SDHA: variants seen among roughly 807,000 people sequenced by gnomAD.
SDHA encodes succinate dehydrogenase complex flavoprotein subunit A.
SDHA carries 48 observed loss-of-function variants against 78.4 expected under a neutral mutation model. The observed-to-expected ratio is 0.61, with a 90% CI of 0.49 to 0.78. The LOEUF (loss-of-function observed/expected upper bound fraction) is 0.78. Ranked by LOEUF, SDHA falls within the 30% of genes least tolerant of loss-of-function variation. SDHA has a pLI of 0.00. For missense variants in SDHA, 680 were observed against 892.7 expected (o/e 0.76, Z 3.04); for synonymous variants, 326 against 353.9 (o/e 0.92, Z 0.88).
chr5:250,309 A>T (rs566406471), intron 11 of SDHA: 1 of 156,152 alleles, frequency 6.4e-6, no homozygotes, highest in South Asian at 1.9e-4. Flanking sequence ...AGGAGGAGGG[A>T]TCACTGAGGT....
At chr5:263,912 C>T in the SDHA span, among the ~76,000 whole-genome samples, 2 of 152,148 alleles carry the variant, frequency 1.3e-5, no homozygotes, top group Admixed American at 6.5e-5. Flanking sequence ...GTTCTTTTCA[C>T]GCCTAAATAT....
chr5:238,768 G>C (rs1476679671), intron 10 of SDHA, among the ~76,000 whole-genome samples: 1 of 152,170 alleles, frequency 6.6e-6, no homozygotes, highest in Admixed American at 6.5e-5. Context: ...AGACCAGCTT[G>C]GGCAACGTGG....
intron 11 of SDHA, among the ~76,000 whole-genome samples, chr5:242,144 C>T (rs1460702921): frequency 6.6e-6 from 1 of 152,126 alleles, no homozygotes; most frequent in Non-Finnish European, 1.5e-5. Context: ...GATTTTTCTG[C>T]TGAGTCTGGC....
At chr5:236,335 C>T (rs1014862977) in intron 9 of SDHA, 93 bp from the exon 10 acceptor site, 3 of 1,353,884 alleles carry the variant, frequency 2.2e-6, no homozygotes, top group Non-Finnish European at 3.2e-6. Context: ...ACTTCCCTCT[C>T]TCTGACCTGC....
chr5:246,814 A>G (rs1202458022), intron 11 of SDHA, among the ~76,000 whole-genome samples: 2 of 152,236 alleles, frequency 1.3e-5, no homozygotes, highest in African/African-American at 4.8e-5. Flanking sequence ...TTTGGATCAA[A>G]TTGCTACTAT....
chr5:222,746 A>G (rs1734790845), intron 1 of SDHA, among the ~76,000 whole-genome samples: 2 of 152,224 alleles, frequency 1.3e-5, no homozygotes, highest in South Asian at 2.1e-4. Context: ...ACCTTAGCAT[A>G]TGGACAGTGT....
At chr5:232,472 C>T (rs1484352202) in intron 7 of SDHA, among the ~76,000 whole-genome samples, 4 of 152,172 alleles carry the variant, frequency 2.6e-5, no homozygotes, top group Non-Finnish European at 5.9e-5. Flanking sequence ...CCTCCTGCCT[C>T]GGCCCCTCAG....
the SDHA span, among the ~76,000 whole-genome samples, chr5:265,178 C>T: frequency 1.3e-5 from 2 of 152,064 alleles, no homozygotes; most frequent in Non-Finnish European, 2.9e-5. Context: ...TGCACTCTAG[C>T]CTGGGCAACA....
At position 241,492 on chromosome 5, in the gene SDHA, G is replaced by A. The variant is rs573860123; in HGVS notation, c.1551+1016G>A. 4.6e-5 allele frequency among the ~76,000 whole-genome samples: 7 copies of A among 152,244 alleles called. No homozygotes were observed. The East Asian group carries it at 7.7e-4, about 17-fold the overall frequency. On this transcript the variant is annotated intron_variant, in intron 11 of 14. Transcript: ENST00000264932. ...TCTGTGGCCTGTGCTGCTGGGAGTC[G>A]GTCCAGTAGGACCATCTGTGATGAT...
downstream of SDHA, among the ~76,000 whole-genome samples, chr5:259,279 C>G (rs1278362257): frequency 6.0e-5 from 2 of 33,468 alleles, no homozygotes; most frequent in South Asian, 1.1e-3. Context: ...CCGCCTCCCG[C>G]CAGAGCATTA....
intron 9 of SDHA, 169 bp from the exon 10 acceptor site, chr5:236,259 A>G: frequency 1.4e-6 from 1 of 695,946 alleles, no homozygotes; most frequent in Admixed American, 2.1e-5. Flanking sequence ...CCCTGACCTC[A>G]GGTGATCACC....
At chr5:243,978 G>A (rs1386095119) in intron 11 of SDHA, among the ~76,000 whole-genome samples, 1 of 152,200 alleles carries the variant, frequency 6.6e-6, no homozygotes, top group Non-Finnish European at 1.5e-5. Flanking sequence ...CCAGATGGGG[G>A]AAGAAAGAAA....
At chr5:266,853 C>T in the SDHA span, among the ~76,000 whole-genome samples, 224 of 149,566 alleles carry the variant, frequency 1.5e-3, no homozygotes, top group African/African-American at 4.8e-3. Flanking sequence ...CTCGCCGTCC[C>T]GTGCAGTAGA....
downstream of SDHA, among the ~76,000 whole-genome samples, chr5:258,499 C>T (rs1405006883): frequency 4.3e-5 from 4 of 93,482 alleles, no homozygotes; most frequent in African/African-American, 1.4e-4. Context: ...AGAGCATTAC[C>T]GTGTGAGCTC....
chr5:223,843 T>C (rs6888378), intron 2 of SDHA, among the ~76,000 whole-genome samples: 36,545 of 152,082 alleles, frequency 0.24, 6,843 homozygotes, highest in African/African-American at 0.52. Context: ...AAATGAACAG[T>C]GTCTGCTGTG....
chr5:225,229 G>T (rs981581497), intron 3 of SDHA, among the ~76,000 whole-genome samples, 190 bp from the exon 4 acceptor site: 1 of 152,156 alleles, frequency 6.6e-6, no homozygotes, highest in Non-Finnish European at 1.5e-5. Context: ...GAATCACTGG[G>T]CGAGTCGGGG....
At chr5:245,800 C>A (rs1579427969) in intron 11 of SDHA, among the ~76,000 whole-genome samples, 2 of 152,354 alleles carry the variant, frequency 1.3e-5, no homozygotes. Context: ...ACTGGATACA[C>A]CCTGCTCTAG....
chr5:221,222 G>A (rs1292148399), intron 1 of SDHA, among the ~76,000 whole-genome samples: 2 of 152,182 alleles, frequency 1.3e-5, no homozygotes, highest in South Asian at 4.1e-4. Context: ...CCCTCACCCA[G>A]TTCATTTTCC....
chr5:230,634 T>TA (rs113346599), intron 6 of SDHA, among the ~76,000 whole-genome samples: 4 of 151,706 alleles, frequency 2.6e-5, no homozygotes, highest in Non-Finnish European at 4.4e-5. Flanking sequence ...TCAAAATAAA[T>TA]AAATAAAATA....
Sources: gnomAD v4.1 joint callset for allele counts (sites outside exome capture counted in the v4.1 genomes callset) on GRCh38, gnomAD v4.1.1 for gene constraint, MANE v1.5 for transcripts, NCBI Gene and HGNC (gene_info 2026-07-23, HGNC 2026-07-21) for gene names.